Variants in ZFPM1 observed in about 807,000 individuals in gnomAD.
The protein encoded by ZFPM1 is zinc finger protein ZFPM1.
In ZFPM1, 28 loss-of-function variants were observed where a neutral mutation model predicts 46.3. The ratio of observed to expected loss-of-function variants is 0.60; its 90% CI spans 0.45 to 0.83. The LOEUF (loss-of-function observed/expected upper bound fraction) is 0.83. Among genes scored for constraint, ZFPM1 ranks in the 40% least tolerant of loss-of-function variants. The pLI, the probability that ZFPM1 is intolerant of heterozygous loss-of-function variation, is 0.00. For missense variants in ZFPM1, 1,878 were observed against 1,432.4 expected (o/e 1.31, Z -5.02); for synonymous variants, 957 against 675.9 (o/e 1.42, Z -6.45).
rs372862265 is a variant in ZFPM1, at chr16:88,526,927, C to T, written c.505+11C>T. The T allele has an allele frequency of 6.5e-4, 1,009 of 1,558,514 alleles. 7 individuals are homozygous for T. The highest frequency in any genetic ancestry group is 5.6e-4 in the Non-Finnish European group (648 of 1,150,470). On this transcript the variant is annotated intron_variant, in intron 5 of 9. Coordinates refer to ENST00000319555, the MANE Select transcript of ZFPM1 (RefSeq NM_153813.3). ...AGATCCACAGGAAGGGTCAGTATGA[C>T]GCGGCACCTCCGTCCCAAGCCTTCC... is the stretch of plus-strand genomic sequence containing the variant.
chr16:88,456,395 GA>G (rs113008149), intron 1 of ZFPM1, among the ~76,000 whole-genome samples: 49 of 146,196 alleles, frequency 3.4e-4, no homozygotes, highest in African/African-American at 6.5e-4. Context: ...GAGTTTTCTT[GA>G]AAAAAAAAAA....
rs1394466770 is a variant in ZFPM1, at chr16:88,536,173, C to G, written c.*1194C>G. ...GTCTCCCTATGTTGCCCAGGCTGGG[C>G]AACCCTATATTTTTTAGAGCTAAGG... On this transcript the variant is annotated 3_prime_UTR_variant, in exon 10 of 10. Coordinates refer to ENST00000319555, the MANE Select transcript of ZFPM1 (RefSeq NM_153813.3). 1.3e-5 allele frequency: 2 copies of G among 151,996 alleles called. No individual in the cohort carries two copies. The highest frequency in any genetic ancestry group is 6.5e-5 in the Admixed American group (1 of 15,272). 9.4% of individuals were successfully genotyped at this position (151,996 alleles called of 1,614,324 possible).
chr16:88,469,876 C>T lies in ZFPM1; in HGVS notation c.41-16063C>T, dbSNP rs1408921473. ...CCCTAACGTGGGGTGCAGTGCCTCT[C>T]ACGTGGTGAGGGTCAGAGGTGCGTG... On this transcript the variant is annotated intron_variant, in intron 1 of 9. Transcript: ENST00000319555. This position sits in a 1 kb window ranked among gnomAD's most constrained non-coding sequence, Gnocchi z 4.3. Among the ~76,000 whole-genome samples the T allele has an allele frequency of 6.6e-6, 1 of 152,090 alleles. No homozygotes were observed. The highest frequency in any genetic ancestry group is 1.9e-4 in the East Asian group (1 of 5,168).
At chr16:88,478,024 C>T (rs766044289) in intron 1 of ZFPM1, among the ~76,000 whole-genome samples, 16 of 152,106 alleles carry the variant, frequency 1.1e-4, no homozygotes, top group South Asian at 2.1e-4. Flanking sequence ...AGAAGAGGCA[C>T]GAGCTCCCCA....
intron 3 of ZFPM1, among the ~76,000 whole-genome samples, chr16:88,494,376 G>A (rs1012832494): frequency 2.6e-5 from 4 of 152,124 alleles, no homozygotes; most frequent in African/African-American, 9.7e-5. Flanking sequence ...GAGGCTTCCA[G>A]GTGGAAGCCG....
In ZFPM1 at chr16:88,534,080, T is replaced by C; in HGVS notation, c.2122T>C (p.Ser708Pro). 3 of 1,206,126 alleles carry C rather than the reference T, an allele frequency of 2.5e-6. No homozygotes were observed. The highest frequency in any genetic ancestry group is 7.5e-5 in the East Asian group (1 of 13,280). The allele number at this position is 1,206,126 out of a possible 1,614,324, so 74.7% of individuals were successfully genotyped here. The change falls in exon 10 of 10, where the codon TCG becomes CCG. Residue 708 changes from serine to proline, a missense_variant. Ser to Pro is a moderately conservative substitution (Grantham distance 74). Transcript: ENST00000319555. ...CGTGCACAAGCGGTACTACTGCGCC[T>C]CGCGCCACGACCCGCCGCCGCGCCG... ...YTVHKRYYCA[S>P]RHDPPPRRPA...
In ZFPM1 at chr16:88,534,027, T is replaced by C; in HGVS notation, c.2069T>C (p.Ile690Thr). The C allele has an allele frequency of 2.3e-6, 3 of 1,309,504 alleles. No individual in the cohort carries two copies. The highest frequency in any genetic ancestry group is 2.0e-6 in the Non-Finnish European group (2 of 1,014,620). The allele number at this position is 1,309,504 out of a possible 1,614,324, so 81.1% of individuals were successfully genotyped here. ...CGCACGCTGTGCGAGGCCTGCAACATCCGCTTCAGCCGCCACGAGACCTAC... is the reference window on the plus strand; with the variant it reads ...CGCACGCTGTGCGAGGCCTGCAACACCCGCTTCAGCCGCCACGAGACCTAC... ...PSRTLCEACN[I>T]RFSRHETYTV... Residue 690 changes from isoleucine (I) to threonine (T), a missense_variant, in exon 10 of 10, where the codon ATC becomes ACC. Ile to Thr is a moderately conservative substitution (Grantham distance 89). Coordinates refer to ENST00000319555, the MANE Select transcript of ZFPM1 (RefSeq NM_153813.3).
chr16:88,467,296 G>A (rs905290006), intron 1 of ZFPM1, among the ~76,000 whole-genome samples: 18 of 152,124 alleles, frequency 1.2e-4, no homozygotes, highest in African/African-American at 4.3e-4. Flanking sequence ...CATGGCCCTG[G>A]TTCTCACACA....
intron 3 of ZFPM1, among the ~76,000 whole-genome samples, chr16:88,510,802 TA>T (rs1910913771): frequency 6.6e-6 from 1 of 152,008 alleles, no homozygotes; most frequent in African/African-American, 2.4e-5. Context: ...ACCCACTGCC[TA>T]CCCTTGGGCC....
At chr16:88,452,414 C>A (rs769518948), upstream of ZFPM1, among the ~76,000 whole-genome samples, 1 of 152,332 alleles carries the variant, frequency 6.6e-6, no homozygotes, top group African/African-American at 2.4e-5. Context: ...TCCTGCGGGG[C>A]GCCCTGGAGA....
At chr16:88,504,172 G>A (rs1308496281) in intron 3 of ZFPM1, among the ~76,000 whole-genome samples, 4 of 152,122 alleles carry the variant, frequency 2.6e-5, no homozygotes, top group African/African-American at 9.7e-5. Context: ...CTGGTAGGAA[G>A]AAAGGGCCCT....
In ZFPM1 at chr16:88,519,950, A is replaced by AATGGATGGATGG. The variant is rs375269569; in HGVS notation, c.402+5441_402+5452dup. ...AGATGGATGAGTGGATGGATGGATG[A>AATGGATGGATGG]ATGGATGGATGGATGGATGGATAGT... On this transcript the variant is annotated intron_variant, in intron 4 of 9. Coordinates refer to ENST00000319555, the MANE Select transcript of ZFPM1 (RefSeq NM_153813.3). Among the ~76,000 whole-genome samples, 5 of 103,358 alleles carry AATGGATGGATGG rather than the reference A, an allele frequency of 4.8e-5. No individual in the cohort carries two copies. The East Asian group carries it at 1.7e-3, about 35-fold the overall frequency. The allele number at this position is 103,358 out of a possible 152,430, so 67.8% of individuals were successfully genotyped here. A position where few individuals can be genotyped will look rare whatever the true frequency, so the allele number is the denominator to read the frequency against.
intron 1 of ZFPM1, among the ~76,000 whole-genome samples, chr16:88,470,975 C>A (rs910928829): frequency 1.1e-4 from 16 of 152,232 alleles, no homozygotes; most frequent in African/African-American, 3.6e-4. Flanking sequence ...ACGCACTGAC[C>A]CAGGGCCCAG....
At chr16:88,484,730 G>A (rs1366997453) in intron 1 of ZFPM1, among the ~76,000 whole-genome samples, 1 of 152,134 alleles carries the variant, frequency 6.6e-6, no homozygotes, top group Non-Finnish European at 1.5e-5. Context: ...GATATGGAAG[G>A]GCACCTCTGT....
At chr16:88,453,779 C>G in intron 1 of ZFPM1, 101 bp downstream of exon 1, 1 of 694,846 alleles carries the variant, frequency 1.4e-6, no homozygotes, top group Non-Finnish European at 1.8e-6. Context: ...CCCTGGGCGC[C>G]GGCGACCTTC....
chr16:88,481,700 C>G (rs1267018095), intron 1 of ZFPM1, among the ~76,000 whole-genome samples: 1 of 152,112 alleles, frequency 6.6e-6, no homozygotes, highest in Admixed American at 6.5e-5. Flanking sequence ...CCTGACCGCC[C>G]CTACCTGCTG....
At chr16:88,492,183 CTT>C (rs1275425250) in intron 3 of ZFPM1, among the ~76,000 whole-genome samples, 3 of 151,964 alleles carry the variant, frequency 2.0e-5, no homozygotes, top group African/African-American at 7.3e-5. Context: ...CCCTGCCTCT[CTT>C]TCTCTCTCTC....
At chr16:88,468,207 C>A (rs1226931093) in intron 1 of ZFPM1, among the ~76,000 whole-genome samples, 5 of 149,726 alleles carry the variant, frequency 3.3e-5, no homozygotes, top group Non-Finnish European at 7.4e-5. Context: ...CCCTCAAGCA[C>A]CCGCGAGCCC....
intron 1 of ZFPM1, among the ~76,000 whole-genome samples, chr16:88,461,316 G>A (rs2142342118): frequency 6.6e-6 from 1 of 152,116 alleles, no homozygotes; most frequent in African/African-American, 2.4e-5. Context: ...GGAGTCCCCA[G>A]GTTCCCACCC....
Sources: allele counts gnomAD v4.1 joint callset (sites outside exome capture counted in the v4.1 genomes callset), GRCh38; gene constraint gnomAD v4.1.1; non-coding constraint Gnocchi (gnomAD v3.1); transcripts MANE v1.5; gene names NCBI Gene and HGNC (gene_info 2026-07-23, HGNC 2026-07-21).